ARPC2: variants seen among roughly 807,000 people sequenced by gnomAD.
The protein encoded by ARPC2 is actin-related protein 2/3 complex subunit 2.
ARPC2 carries 4 observed loss-of-function variants against 38.6 expected under a neutral mutation model. That is an observed-to-expected ratio of 0.10 (90% confidence interval 0.05 to 0.24). ARPC2 has a LOEUF of 0.24. Ranked by LOEUF, ARPC2 falls within the 10% of genes least tolerant of loss-of-function variation. The pLI is 1.00. For synonymous variants in ARPC2, 125 were observed against 140.8 expected (o/e 0.89, Z 0.79); for missense variants, 229 against 387.3 (o/e 0.59, Z 3.43).
At chr2:218,237,729 G>A (rs1053170773) in intron 5 of ARPC2, among the ~76,000 whole-genome samples, 1 of 151,698 alleles carries the variant, frequency 6.6e-6, no homozygotes, top group African/African-American at 2.4e-5. Context: ...ACCATGCCTG[G>A]CTAATATTTG....
intron 2 of ARPC2, among the ~76,000 whole-genome samples, chr2:218,222,696 G>C (rs1025373467): frequency 4.6e-5 from 7 of 152,134 alleles, no homozygotes; most frequent in Admixed American, 3.9e-4. Context: ...ACTCCACCTA[G>C]GAGAAGAACT....
At chr2:218,231,212 C>T (rs1175853588) in intron 4 of ARPC2, among the ~76,000 whole-genome samples, 2 of 84,156 alleles carry the variant, frequency 2.4e-5, no homozygotes, top group African/African-American at 4.1e-5. Context: ...AGGTTGCCTC[C>T]ACCCATCTCC....
At position 218,249,437 on chromosome 2, in the gene ARPC2, C is replaced by T. The variant is rs1574595708; in HGVS notation, c.750C>T (p.Tyr250=). Residue 250 remains tyrosine, a synonymous_variant, in exon 9 of 11, where the codon TAC becomes TAT. Transcript: ENST00000315717. ...ACCTGATCCACACGTTCCGGGACTA[C>T]CTGCACTACCACATCAAGTGCTCTA... The part of the protein sequence containing the change: ...TINLIHTFRD[Y]LHYHIKCSKA... The T allele has an allele frequency of 9.9e-6, 16 of 1,612,560 alleles. No individual in the cohort carries two copies. The highest frequency in any genetic ancestry group is 1.4e-5 in the Non-Finnish European group (16 of 1,179,036).
chr2:218,247,897 C>G (rs534158886), intron 8 of ARPC2, among the ~76,000 whole-genome samples: 288 of 151,578 alleles, frequency 1.9e-3, no homozygotes, highest in African/African-American at 6.8e-3. Context: ...AGGCCAAGAT[C>G]ACGCGACTGC....
At position 218,235,478 on chromosome 2, in the gene ARPC2, A is replaced by G. The variant is rs571398612; in HGVS notation, c.268+1081A>G. On this transcript the variant is annotated intron_variant, in intron 5 of 10. Coordinates refer to ENST00000315717, the MANE Select transcript of ARPC2 (RefSeq NM_152862.3). ...CTCCGCCTCCCAGAGAGTTGGGATC[A>G]CAGGCATGAGCCACCATACCCAGCA... 1.1e-4 allele frequency: 16 copies of G among 152,222 alleles called. No homozygotes were observed. In the East Asian group the frequency reaches 2.7e-3, roughly 26 times the overall value. The allele number at this position is 152,222 out of a possible 1,614,324, so 9.4% of individuals were successfully genotyped here.
At chr2:218,241,654 A>C (rs151206508) in intron 7 of ARPC2, among the ~76,000 whole-genome samples, 1 of 152,256 alleles carries the variant, frequency 6.6e-6, no homozygotes, top group Non-Finnish European at 1.5e-5. Context: ...TGGAGAGTGT[A>C]CCGGAGATTT....
At chr2:218,236,190 T>G (rs901241738) in intron 5 of ARPC2, 3 of 152,176 alleles carry the variant, frequency 2.0e-5, no homozygotes, top group Admixed American at 2.0e-4. Context: ...AGATTTTTAC[T>G]TCTCTTCATC....
chr2:218,245,147 A>G (rs1442537097), intron 7 of ARPC2, among the ~76,000 whole-genome samples: 1 of 152,230 alleles, frequency 6.6e-6, no homozygotes, highest in Non-Finnish European at 1.5e-5. Flanking sequence ...TTTATCACCT[A>G]TGTTAGTGCA....
intron 2 of ARPC2, 25 bp downstream of exon 2, chr2:218,217,569 G>T: frequency 1.3e-6 from 2 of 1,599,402 alleles, no homozygotes; most frequent in African/African-American, 1.3e-5. Flanking sequence ...GGGGCCGGGG[G>T]TGGCGGGGGA....
At chr2:218,226,870 G>T in intron 3 of ARPC2, 1 of 252,912 alleles carries the variant, frequency 4.0e-6, no homozygotes, top group Admixed American at 4.3e-5. Flanking sequence ...GTCAGTCTTA[G>T]TTTGCCTAGC....
At chr2:218,247,810 G>T (rs1210422146) in intron 8 of ARPC2, among the ~76,000 whole-genome samples, 1 of 152,124 alleles carries the variant, frequency 6.6e-6, no homozygotes, top group Non-Finnish European at 1.5e-5. Context: ...GGGCGTGGTG[G>T]TGGGTGCCTG....
chr2:218,249,405 A>G lies in ARPC2; in HGVS notation c.718A>G (p.Thr240Ala). 6.2e-7 allele frequency: 1 copy of G among 1,613,664 alleles called. No individual in the cohort carries two copies. The highest frequency in any genetic ancestry group is 8.5e-7 in the Non-Finnish European group (1 of 1,179,878). ...RHTNASARDN[T>A]INLIHTFRDY... ...CACCAATGCCAGTGCTCGAGACAACACCATCAACCTGATCCACACGTTCCG... is the reference window on the plus strand; with the variant it reads ...CACCAATGCCAGTGCTCGAGACAACGCCATCAACCTGATCCACACGTTCCG... Residue 240 changes from threonine to alanine, a missense_variant, in exon 9 of 11, where the codon ACC (threonine) becomes GCC (alanine). Around this residue, in one of 3 missense-constraint regions of ARPC2, gnomAD observed 92 missense variants for 152.3 expected, o/e 0.60. Coordinates refer to ENST00000315717, the MANE Select transcript of ARPC2 (RefSeq NM_152862.3).
intron 7 of ARPC2, among the ~76,000 whole-genome samples, chr2:218,243,913 C>T (rs1206275544): frequency 1.3e-5 from 2 of 152,212 alleles, no homozygotes; most frequent in Non-Finnish European, 1.5e-5. Context: ...ATTGTGAATA[C>T]CACATGTACC....
intron 7 of ARPC2, among the ~76,000 whole-genome samples, chr2:218,240,675 A>G (rs900387940): frequency 2.0e-5 from 3 of 152,014 alleles, no homozygotes; most frequent in African/African-American, 7.2e-5. Flanking sequence ...GCGGATCACG[A>G]GGTCAAGAGG....
intron 7 of ARPC2, among the ~76,000 whole-genome samples, chr2:218,244,082 C>T (rs186834973): frequency 4.6e-5 from 7 of 152,308 alleles, no homozygotes; most frequent in African/African-American, 1.4e-4. Flanking sequence ...TAGAGAAGGG[C>T]GATTTTAGAA....
intron 5 of ARPC2, among the ~76,000 whole-genome samples, chr2:218,237,151 C>T (rs1689793341): frequency 6.6e-6 from 1 of 152,080 alleles, no homozygotes; most frequent in Non-Finnish European, 1.5e-5. Flanking sequence ...TCTTTTAATG[C>T]TCACAACATT....
intron 4 of ARPC2, 118 bp downstream of exon 4, chr2:218,228,968 C>G (rs931481093): frequency 1.6e-6 from 1 of 627,428 alleles, no homozygotes; most frequent in African/African-American, 1.9e-5. Context: ...GCTCACCTAA[C>G]TAGGGGCTCT....
intron 4 of ARPC2, among the ~76,000 whole-genome samples, chr2:218,229,601 GTTTC>G (rs1689583625): frequency 6.6e-6 from 1 of 152,184 alleles, no homozygotes; most frequent in Non-Finnish European, 1.5e-5. Context: ...AACCATAGCT[GTTTC>G]TTTCTGAAAA....
chr2:218,247,841 G>A (rs190185816), intron 8 of ARPC2, among the ~76,000 whole-genome samples: 1 of 152,112 alleles, frequency 6.6e-6, no homozygotes, highest in African/African-American at 2.4e-5. Context: ...TACCCTGAAG[G>A]CTGAGGCAGG....
Sources: gnomAD v4.1 joint callset for allele counts (sites outside exome capture counted in the v4.1 genomes callset) on GRCh38, gnomAD v4.1.1 for gene constraint, gnomAD v4.1.1 regional missense constraint, MANE v1.5 for transcripts, NCBI Gene and HGNC (gene_info 2026-07-23, HGNC 2026-07-21) for gene names.